The following CTNND2 variants were observed in gnomAD, a reference collection of about 807,000 sequenced individuals.
CTNND2 encodes the protein catenin delta-2.
In CTNND2, 22 loss-of-function variants were observed where a neutral mutation model predicts 144.4. The observed-to-expected ratio is 0.15, with a 90% CI of 0.11 to 0.22. The LOEUF is 0.22. Ranked by LOEUF, CTNND2 falls within the 10% of genes least tolerant of loss-of-function variation. CTNND2 has a pLI of 1.00. For missense variants in CTNND2, 1,353 were observed against 1,618.8 expected, an observed-to-expected ratio of 0.84 and a Z score of 2.82; for synonymous variants, 751 against 695.6, an observed-to-expected ratio of 1.08 and a Z score of -1.25.
At chr5:11,678,963 T>G (rs1784304947) in intron 2 of CTNND2, among the ~76,000 whole-genome samples, 1 of 151,924 alleles carries the variant, frequency 6.6e-6, no homozygotes, top group Non-Finnish European at 1.5e-5. Flanking sequence ...ATACTTATTC[T>G]ACATGGTGCT....
chr5:11,461,648 C>T (rs796215367), intron 3 of CTNND2, among the ~76,000 whole-genome samples: 19 of 152,210 alleles, frequency 1.2e-4, no homozygotes, highest in African/African-American at 4.6e-4. Flanking sequence ...GAGCAAGAAT[C>T]ATAAACTCAT....
intron 2 of CTNND2, among the ~76,000 whole-genome samples, chr5:11,708,474 G>A (rs182805982): frequency 1.1e-4 from 16 of 152,100 alleles, no homozygotes; most frequent in Non-Finnish European, 1.6e-4. Flanking sequence ...GTAGTTCTAC[G>A]AATTATAATA....
chr5:11,300,062 A>G (rs545907630), intron 9 of CTNND2, among the ~76,000 whole-genome samples: 16 of 152,352 alleles, frequency 1.1e-4, no homozygotes, highest in African/African-American at 3.6e-4. Context: ...TTTGAAGATC[A>G]TAAGAGCCTC....
chr5:11,287,350 G>C (rs1303780101), intron 9 of CTNND2, among the ~76,000 whole-genome samples: 3 of 152,214 alleles, frequency 2.0e-5, no homozygotes, highest in Non-Finnish European at 4.4e-5. Flanking sequence ...CTGCAGACTT[G>C]AACTCTCCCT....
chr5:11,511,490 C>T (rs1299104974), intron 3 of CTNND2, among the ~76,000 whole-genome samples: 1 of 152,130 alleles, frequency 6.6e-6, no homozygotes, highest in Admixed American at 6.5e-5. Flanking sequence ...CCCAGGACCC[C>T]TCACATCGAC....
At chr5:11,259,656 C>G (rs1744660471) in intron 9 of CTNND2, among the ~76,000 whole-genome samples, 1 of 152,170 alleles carries the variant, frequency 6.6e-6, no homozygotes, top group Non-Finnish European at 1.5e-5. Context: ...AGAGCTTTTG[C>G]TATGTTGTTC....
intron 16 of CTNND2, among the ~76,000 whole-genome samples, chr5:11,073,882 G>A (rs997041729): frequency 6.6e-6 from 1 of 152,096 alleles, no homozygotes; most frequent in Non-Finnish European, 1.5e-5. Flanking sequence ...TAAGAAATAA[G>A]GTTTCTTTTT....
chr5:10,997,473 T>A (rs1418973179), intron 18 of CTNND2, among the ~76,000 whole-genome samples: 1 of 151,646 alleles, frequency 6.6e-6, no homozygotes, highest in Non-Finnish European at 1.5e-5. Context: ...GTGCCTGTAA[T>A]CCTAGCTACT....
intron 3 of CTNND2, among the ~76,000 whole-genome samples, chr5:11,519,994 A>T (rs1290396724): frequency 6.6e-6 from 1 of 151,544 alleles, no homozygotes. Flanking sequence ...GAATAAAAAA[A>T]AAAACAGCTG....
chr5:11,422,117 C>G (rs1407756014), intron 3 of CTNND2, among the ~76,000 whole-genome samples: 1 of 152,182 alleles, frequency 6.6e-6, no homozygotes, highest in Non-Finnish European at 1.5e-5. Flanking sequence ...AAGATGAACG[C>G]AGGCCCACCA....
intron 2 of CTNND2, among the ~76,000 whole-genome samples, chr5:11,595,547 T>G (rs895960710): frequency 1.3e-5 from 2 of 152,192 alleles, no homozygotes; most frequent in East Asian, 1.9e-4. Context: ...CTAAAGCTCA[T>G]GCAATGACAG....
At chr5:11,558,333 G>C (rs1037631770) in intron 3 of CTNND2, among the ~76,000 whole-genome samples, 7 of 134,020 alleles carry the variant, frequency 5.2e-5, no homozygotes, top group Non-Finnish European at 1.1e-4. Flanking sequence ...CTTTGGCTGT[G>C]AGAAACACGT....
At chr5:11,613,085 T>TAC (rs1167448454) in intron 2 of CTNND2, among the ~76,000 whole-genome samples, 2 of 152,204 alleles carry the variant, frequency 1.3e-5, no homozygotes, top group African/African-American at 4.8e-5. Flanking sequence ...GCCAATGAGA[T>TAC]ACATGGGCAA....
intron 1 of CTNND2, among the ~76,000 whole-genome samples, chr5:11,830,432 A>G (rs546391627): frequency 3.3e-5 from 5 of 152,242 alleles, no homozygotes; most frequent in African/African-American, 1.2e-4. Context: ...TGTTTTCAGG[A>G]CAGTTAATAA....
intron 8 of CTNND2, among the ~76,000 whole-genome samples, chr5:11,352,425 T>C (rs1005318573): frequency 1.3e-5 from 2 of 152,186 alleles, no homozygotes; most frequent in African/African-American, 2.4e-5. Context: ...GCTCTTCATC[T>C]GGATAAATGG....
chr5:11,128,960 TATATA>T (rs1172876561), intron 12 of CTNND2, among the ~76,000 whole-genome samples: 1 of 47,090 alleles, frequency 2.1e-5, no homozygotes, highest in African/African-American at 6.5e-5. Context: ...TATATAAATA[TATATA>T]ATATATAATA....
intron 5 of CTNND2, 144 bp downstream of exon 5, chr5:11,411,392 G>T: frequency 1.7e-6 from 1 of 601,538 alleles, no homozygotes; most frequent in East Asian, 2.8e-5. Flanking sequence ...GGAACAGATG[G>T]GACGGAGTGA....
chr5:10,997,310 T>A (rs1160948824), intron 18 of CTNND2, among the ~76,000 whole-genome samples: 2 of 152,166 alleles, frequency 1.3e-5, no homozygotes, highest in African/African-American at 4.8e-5. Context: ...ACATTTTTTT[T>A]AGGCCAGGAG....
At chr5:11,419,709 TC>T (rs1436015304) in intron 3 of CTNND2, among the ~76,000 whole-genome samples, 4 of 152,184 alleles carry the variant, frequency 2.6e-5, no homozygotes, top group Admixed American at 6.5e-5. Flanking sequence ...AGTAACTATC[TC>T]CAGGCCATTT....
Sources: allele counts gnomAD v4.1 joint callset (sites outside exome capture counted in the v4.1 genomes callset), GRCh38; gene constraint gnomAD v4.1.1; transcripts MANE v1.5; gene names NCBI Gene and HGNC (gene_info 2026-07-23, HGNC 2026-07-21).